CCDC171: variants seen among roughly 807,000 people sequenced by gnomAD.
CCDC171 encodes coiled-coil domain-containing protein 171.
In CCDC171, 177 loss-of-function variants were observed where a neutral mutation model predicts 168.2. That is an observed-to-expected ratio of 1.05 (90% CI 0.93 to 1.19). The LOEUF (loss-of-function observed/expected upper bound fraction) is 1.19, where lower values mean the gene tolerates loss of function less well. Ranked by LOEUF, CCDC171 falls within the 50% of genes most tolerant of loss-of-function variation. The pLI is 0.00. For missense variants in CCDC171, 1,991 were observed against 1,539.0 expected, an observed-to-expected ratio of 1.29 and a Z score of -4.91; for synonymous variants, 687 against 540.8, an observed-to-expected ratio of 1.27 and a Z score of -3.75.
chr9:15,553,940 G>C (rs1172562302), intron 1 of CCDC171, among the ~76,000 whole-genome samples: 1 of 151,874 alleles, frequency 6.6e-6, no homozygotes, highest in East Asian at 1.9e-4. Context: ...TATTAGAGTT[G>C]GTGTCCAGCT....
intron 1 of CCDC171, among the ~76,000 whole-genome samples, chr9:16,055,245 T>C (rs1346296991): frequency 6.6e-6 from 1 of 152,122 alleles, no homozygotes; most frequent in Non-Finnish European, 1.5e-5. Flanking sequence ...TGGGGTAAAA[T>C]TACATTTTAG....
rs535967866 is a variant in CCDC171, at chr9:15,744,555, A to G, written c.2332A>G (p.Thr778Ala). 4.3e-6 allele frequency: 7 copies of G among 1,614,218 alleles called. No homozygotes were observed. The African/African-American group carries it at 6.7e-5, about 15-fold the overall frequency. The change falls in exon 17 of 26, where the codon ACT (threonine) becomes GCT (alanine). Residue 778 changes from threonine (T) to alanine (A), a missense_variant. Physicochemically the swap from Thr to Ala is moderately conservative, Grantham distance 58. Coordinates refer to ENST00000380701, the MANE Select transcript of CCDC171 (RefSeq NM_173550.4). ...EIRTLAQALS[T>A]VEEKKQEEAK... ...TAGAACTCTAGCCCAGGCTTTGTCA[A>G]CTGTAGAGGAAAAGAAGCAAGAGGA...
rs894638710 is a variant in CCDC171 at position 15,632,773 on chromosome 9, A to G, written c.822+9360A>G. Among the ~76,000 whole-genome samples the G allele has an allele frequency of 7.5e-4, 114 of 152,328 alleles. 2 individuals are homozygous for G. Among genetic ancestry groups the G allele is most frequent in the African/African-American group, 2.6e-3 (107 of 41,560 alleles). ...ATCATGCTACCTGACTTCAAACTAT[A>G]CTACAAGGCTACAGTAACCAAAACA... On this transcript the variant is annotated intron_variant, in intron 7 of 25. Transcript: ENST00000380701.
chr9:15,681,806 A>G (rs1463144367), intron 10 of CCDC171, among the ~76,000 whole-genome samples: 1 of 152,088 alleles, frequency 6.6e-6, no homozygotes, highest in Admixed American at 6.5e-5. Flanking sequence ...CTTTCAATTC[A>G]TAATTGTTGT....
At chr9:15,714,143 A>C (rs1433707648) in intron 11 of CCDC171, among the ~76,000 whole-genome samples, 1 of 152,136 alleles carries the variant, frequency 6.6e-6, no homozygotes, top group East Asian at 1.9e-4. Context: ...AGGTGAGTTG[A>C]ATGCTGATGT....
chr9:15,935,686 A>T (rs1370044569), intron 25 of CCDC171, among the ~76,000 whole-genome samples: 1 of 152,086 alleles, frequency 6.6e-6, no homozygotes, highest in Non-Finnish European at 1.5e-5. Context: ...TAATAAAAAA[A>T]TGTATTAGCG....
intron 8 of CCDC171, among the ~76,000 whole-genome samples, chr9:15,659,356 C>T (rs777158439): frequency 5.9e-5 from 9 of 152,244 alleles, no homozygotes; most frequent in East Asian, 5.8e-4. Flanking sequence ...TATGACTTTT[C>T]GCTTAAATGT....
At position 15,621,233 on chromosome 9, in the gene CCDC171, C is replaced by T. The variant is rs368600573; in HGVS notation, c.676-2034C>T. ...CCATCTGCCTTGGCCTCCCAAAGTA[C>T]TGGGATTACAGGCGTGAGCCACTGT... On this transcript the variant is annotated intron_variant, in intron 6 of 25. Coordinates refer to ENST00000380701, the MANE Select transcript of CCDC171 (RefSeq NM_173550.4). Among the ~76,000 whole-genome samples the T allele has an allele frequency of 3.3e-5, 5 of 152,296 alleles. No homozygotes were observed. In the East Asian group the frequency reaches 5.8e-4, roughly 18 times the overall value.
Position 15,867,013 on chromosome 9 carries a change from A to G in CCDC171, c.3469-7519A>G, listed in dbSNP as rs148280564. Among the ~76,000 whole-genome samples the G allele has an allele frequency of 6.6e-3, 1,007 of 152,158 alleles. 3 individuals carry two copies. The highest frequency in any genetic ancestry group is 0.011 in the Non-Finnish European group (769 of 67,958). ...TGCTTTGTTTATTTGATTACTAAAAATAGCATCTGTATTTCACTTTGCCTA... is the reference window on the plus strand; with the variant it reads ...TGCTTTGTTTATTTGATTACTAAAAGTAGCATCTGTATTTCACTTTGCCTA... On this transcript the variant is annotated intron_variant, in intron 23 of 25. Coordinates refer to ENST00000380701, the MANE Select transcript of CCDC171 (RefSeq NM_173550.4).
chr9:15,945,277 C>T (rs1428596883), intron 25 of CCDC171, among the ~76,000 whole-genome samples: 4 of 149,094 alleles, frequency 2.7e-5, no homozygotes, highest in Non-Finnish European at 6.0e-5. Flanking sequence ...TCCAGTCTAT[C>T]GTTGTTGGAC....
chr9:16,002,963 T>A (rs1391747637), intron 3 of CCDC171, among the ~76,000 whole-genome samples: 1 of 152,210 alleles, frequency 6.6e-6, no homozygotes, highest in African/African-American at 2.4e-5. Flanking sequence ...ACCGTCTAGG[T>A]TTGTGTCTGT....
chr9:15,810,789 G>C (rs13296360), intron 21 of CCDC171, among the ~76,000 whole-genome samples: 71,447 of 152,028 alleles, frequency 0.47, 17,016 homozygotes, highest in African/African-American at 0.54. Flanking sequence ...CCTCTCCCTT[G>C]ACACCTCCCA....
chr9:15,686,791 A>G (rs2050426005), intron 10 of CCDC171, among the ~76,000 whole-genome samples: 1 of 152,210 alleles, frequency 6.6e-6, no homozygotes, highest in African/African-American at 2.4e-5. Flanking sequence ...TGAAGGGAGA[A>G]ATAGACAACA....
chr9:16,074,416 C>T, the CCDC171 span, among the ~76,000 whole-genome samples: 4 of 152,266 alleles, frequency 2.6e-5, no homozygotes, highest in South Asian at 6.2e-4. Context: ...AATTTCCTAT[C>T]GTTCAACTTC....
chr9:15,862,595 C>G lies in CCDC171; in HGVS notation c.3469-11937C>G, dbSNP rs1380441840. On this transcript the variant is annotated intron_variant, in intron 23 of 25. Transcript: ENST00000380701. ...TATGTTTCTCTGTTTTTTCATTTTC[C>G]TTGACTCTTTGTGTTGGTATCTGTG... Among the ~76,000 whole-genome samples, 5 of 149,904 alleles carry G rather than the reference C, an allele frequency of 3.3e-5. No individual in the cohort carries two copies. In the South Asian group the frequency reaches 1.0e-3, roughly 31 times the overall value.
rs1399128941 is a variant in CCDC171, at chr9:15,706,587, C to G, written c.1318+11250C>G. Among the ~76,000 whole-genome samples the G allele has an allele frequency of 3.9e-5, 6 of 152,126 alleles. No homozygotes were observed. The East Asian group carries it at 9.6e-4, about 24-fold the overall frequency. On this transcript the variant is annotated intron_variant, in intron 11 of 25. Transcript: ENST00000380701. ...ATAGGTGTAAGCTACTGTGCCCAGC[C>G]CCATGTAGTATTTTTGCTGTGAGTA... is the stretch of plus-strand genomic sequence containing the variant.
chr9:15,823,489 C>G (rs1175602476), intron 21 of CCDC171, among the ~76,000 whole-genome samples: 1 of 151,968 alleles, frequency 6.6e-6, no homozygotes, highest in Non-Finnish European at 1.5e-5. Flanking sequence ...GATTACTGAG[C>G]ACATATACCT....
chr9:15,687,612 A>G (rs948460559), intron 10 of CCDC171, among the ~76,000 whole-genome samples: 1 of 152,208 alleles, frequency 6.6e-6, no homozygotes, highest in African/African-American at 2.4e-5. Context: ...TTCTTTGAAG[A>G]GATAACTCAA....
chr9:16,035,678 T>G (rs919509674), intron 7 of CCDC171, among the ~76,000 whole-genome samples: 2 of 152,236 alleles, frequency 1.3e-5, no homozygotes, highest in Non-Finnish European at 2.9e-5. Context: ...CATGGCTTTA[T>G]AGCTTTCTGG....
Sources: allele counts gnomAD v4.1 joint callset (sites outside exome capture counted in the v4.1 genomes callset), GRCh38; gene constraint gnomAD v4.1.1; transcripts MANE v1.5; gene names NCBI Gene and HGNC (gene_info 2026-07-23, HGNC 2026-07-21).